Variants in TLE1 observed in about 807,000 individuals in gnomAD.
TLE1 encodes transducin-like enhancer protein 1.
A neutral mutation model predicts 89.8 loss-of-function variants in TLE1; 21 were observed. The ratio of observed to expected loss-of-function variants is 0.23; its 90% CI spans 0.17 to 0.34. TLE1 has a LOEUF of 0.34. Ranked by LOEUF, TLE1 falls within the 10% of genes least tolerant of loss-of-function variation. The pLI, the probability that TLE1 is intolerant of heterozygous loss-of-function variation, is 1.00. For missense variants in TLE1, 795 were observed against 1,031.2 expected, an observed-to-expected ratio of 0.77 and a Z score of 3.14; for synonymous variants, 447 against 407.6, an observed-to-expected ratio of 1.10 and a Z score of -1.16.
At chr9:81,610,157 C>T (rs910935770) in intron 14 of TLE1, 63 bp downstream of exon 14, 3 of 1,419,348 alleles carry the variant, frequency 2.1e-6, no homozygotes, top group Middle Eastern at 3.5e-4. Flanking sequence ...GAATTCTAGT[C>T]TGCTAATACC....
chr9:81,603,822 T>A (rs1831276038), intron 14 of TLE1, among the ~76,000 whole-genome samples: 1 of 152,060 alleles, frequency 6.6e-6, no homozygotes, highest in African/African-American at 2.4e-5. Flanking sequence ...GCCAACATGG[T>A]GAAACCCTGT....
rs776499444 is a variant in TLE1 at position 81,611,725 on chromosome 9, G to T, written c.1254+44C>A. Reference sequence around the variant, plus strand: ...AACCTGACAGCGCTCAATGGAGCATGCAGCGTTCCTACCCCAACCACAGCC... The same window carrying T: ...AACCTGACAGCGCTCAATGGAGCATTCAGCGTTCCTACCCCAACCACAGCC... On this transcript the variant is annotated intron_variant, in intron 13 of 19. Coordinates refer to ENST00000376499, the MANE Select transcript of TLE1 (RefSeq NM_005077.5). The T allele has an allele frequency of 6.3e-6, 9 of 1,433,054 alleles. 1 individual carries two copies. Among genetic ancestry groups the T allele is most frequent in the Middle Eastern group, 2.5e-4 (1 of 3,970 alleles). 88.8% of individuals were successfully genotyped at this position (1,433,054 alleles called of 1,614,324 possible).
At chr9:81,654,707 G>T (rs1012208539) in intron 4 of TLE1, among the ~76,000 whole-genome samples, 3 of 152,126 alleles carry the variant, frequency 2.0e-5, no homozygotes, top group Non-Finnish European at 4.4e-5. Flanking sequence ...TCATTCAAGC[G>T]GGTGTCAGAA....
intron 14 of TLE1, among the ~76,000 whole-genome samples, chr9:81,604,288 A>G (rs1831349851): frequency 6.6e-6 from 1 of 152,090 alleles, no homozygotes; most frequent in African/African-American, 2.4e-5. Context: ...AAATCTGTGA[A>G]AGTGTGGATG....
chr9:81,601,183 C>A (rs2131938283), intron 14 of TLE1, among the ~76,000 whole-genome samples: 1 of 152,216 alleles, frequency 6.6e-6, no homozygotes, highest in East Asian at 1.9e-4. Flanking sequence ...GGAATCTAGA[C>A]AAAAACAGAG....
chr9:81,616,489 A>G (rs1824530212), intron 10 of TLE1, among the ~76,000 whole-genome samples, 157 bp downstream of exon 10: 1 of 152,208 alleles, frequency 6.6e-6, no homozygotes, highest in African/African-American at 2.4e-5. Context: ...TTAGACCATT[A>G]TTGCTCCATA....
At chr9:81,670,226 C>A (rs1287743884) in intron 4 of TLE1, among the ~76,000 whole-genome samples, 7 of 152,178 alleles carry the variant, frequency 4.6e-5, no homozygotes, top group Non-Finnish European at 1.0e-4. Flanking sequence ...CCATATTAAC[C>A]AGTATGCGAC....
chr9:81,675,397 A>G (rs1015907212), intron 4 of TLE1, among the ~76,000 whole-genome samples: 1 of 152,042 alleles, frequency 6.6e-6, no homozygotes, highest in Admixed American at 6.6e-5. Flanking sequence ...TAATGCCTTG[A>G]GAGAAGCTTG....
intron 11 of TLE1, among the ~76,000 whole-genome samples, chr9:81,615,465 T>A (rs1824355870): frequency 6.7e-6 from 1 of 148,814 alleles, no homozygotes; most frequent in Non-Finnish European, 1.5e-5. Flanking sequence ...TTTGGGAGGC[T>A]GAGGCGGGTG....
At chr9:81,589,757 T>C (rs73468033) in intron 16 of TLE1, among the ~76,000 whole-genome samples, 27,023 of 152,142 alleles carry the variant, frequency 0.18, 2,552 homozygotes, top group African/African-American at 0.23. Context: ...TTATGGAGTT[T>C]TAAAAAAAGA....
At chr9:81,595,030 T>C (rs1452651725) in intron 14 of TLE1, among the ~76,000 whole-genome samples, 1 of 152,138 alleles carries the variant, frequency 6.6e-6, no homozygotes, top group East Asian at 1.9e-4. Context: ...TAATAGTAAA[T>C]AGCTTTTTGG....
At chr9:81,623,790 A>G (rs534036608) in intron 8 of TLE1, among the ~76,000 whole-genome samples, 2 of 152,226 alleles carry the variant, frequency 1.3e-5, no homozygotes, top group African/African-American at 4.8e-5. Context: ...ACTCTGCCTC[A>G]AAAAAATAAT....
chr9:81,584,087 A>G lies in TLE1; in HGVS notation c.*111T>C, dbSNP rs913704371. On this transcript the variant is annotated 3_prime_UTR_variant, in exon 20 of 20. Coordinates refer to ENST00000376499, the MANE Select transcript of TLE1 (RefSeq NM_005077.5). ...AAAGTAGTTTTCTGTCAAGGTTTGG[A>G]AACAGGTGTTTGTAATTTTTTTTCT... The G allele has an allele frequency of 1.1e-5, 10 of 937,194 alleles. No individual in the cohort carries two copies. Among genetic ancestry groups the G allele is most frequent in the East Asian group, 2.5e-5 (1 of 39,594 alleles). 58.1% of individuals were successfully genotyped at this position (937,194 alleles called of 1,614,324 possible).
intron 14 of TLE1, among the ~76,000 whole-genome samples, chr9:81,597,404 C>T (rs565260728): frequency 6.6e-6 from 1 of 152,186 alleles, no homozygotes; most frequent in African/African-American, 2.4e-5. Context: ...AGCACAAGGG[C>T]AGTGATGAGG....
At chr9:81,584,627 A>G (rs1828076481) in intron 18 of TLE1, 103 bp from the exon 19 acceptor site, 1 of 1,041,102 alleles carries the variant, frequency 9.6e-7, no homozygotes. Flanking sequence ...TAATATATGA[A>G]CTATCATGCC....
intron 4 of TLE1, among the ~76,000 whole-genome samples, chr9:81,668,322 A>T (rs1370966448): frequency 6.6e-6 from 1 of 152,204 alleles, no homozygotes; most frequent in Non-Finnish European, 1.5e-5. Context: ...AGTCACGATT[A>T]AAATGAAATC....
intron 14 of TLE1, among the ~76,000 whole-genome samples, chr9:81,607,703 G>C (rs815847): frequency 6.6e-6 from 1 of 151,888 alleles, no homozygotes; most frequent in Non-Finnish European, 1.5e-5. Flanking sequence ...GGAAATGCTC[G>C]CAAGTGCCCC....
At chr9:81,648,682 G>A (rs1298235279) in intron 6 of TLE1, among the ~76,000 whole-genome samples, 3 of 152,192 alleles carry the variant, frequency 2.0e-5, no homozygotes, top group Non-Finnish European at 2.9e-5. Flanking sequence ...ATAATAAAGT[G>A]GAGAAGTGGT....
chr9:81,640,396 TA>T (rs56035615), intron 6 of TLE1, among the ~76,000 whole-genome samples: 36,677 of 142,146 alleles, frequency 0.26, 4,634 homozygotes, highest in Non-Finnish European at 0.31. Context: ...TTTCAAAAAT[TA>T]AAAAAAAAAA....
Sources: allele counts gnomAD v4.1 joint callset (sites outside exome capture counted in the v4.1 genomes callset), GRCh38; gene constraint gnomAD v4.1.1; transcripts MANE v1.5; gene names NCBI Gene and HGNC (gene_info 2026-07-23, HGNC 2026-07-21).